Variants in CFAP251 observed in about 807,000 individuals in gnomAD.
The protein encoded by CFAP251 is cilia and flagella associated protein 251.
A neutral mutation model predicts 126.7 loss-of-function variants in CFAP251; 93 were observed. The observed-to-expected ratio is 0.73, with a 90% CI of 0.62 to 0.87. The LOEUF is 0.87. Ranked by LOEUF, CFAP251 falls within the 40% of genes least tolerant of loss-of-function variation. The probability of loss-of-function intolerance (pLI) is 0.00; values close to 1 mark genes in which losing one functional copy is unlikely to be tolerated. For synonymous variants in CFAP251, 503 were observed against 506.9 expected (o/e 0.99, Z 0.10); for missense variants, 1,287 against 1,389.2 (o/e 0.93, Z 1.17).
At chr12:121,952,459 C>T (rs1000106760) in intron 9 of CFAP251, among the ~76,000 whole-genome samples, 7 of 151,522 alleles carry the variant, frequency 4.6e-5, no homozygotes, top group African/African-American at 1.5e-4. Context: ...TAAGTAAAGT[C>T]GTTGAACATG....
At chr12:121,987,574 GC>G (rs1882780077) in intron 19 of CFAP251, among the ~76,000 whole-genome samples, 1 of 152,054 alleles carries the variant, frequency 6.6e-6, no homozygotes, top group Non-Finnish European at 1.5e-5. Context: ...AATTAGCCAG[GC>G]ATGGTGGCGC....
At position 121,999,760 on chromosome 12, in the gene CFAP251, C is replaced by T. The variant is rs923869078; in HGVS notation, c.3051C>T (p.Asp1017=). 13 of 1,612,988 alleles carry T rather than the reference C, an allele frequency of 8.1e-6. No individual in the cohort carries two copies. Among genetic ancestry groups the T allele is most frequent in the Non-Finnish European group, 1.0e-5 (12 of 1,179,202 alleles). The stretch of plus-strand genomic sequence containing the variant: ...AAATCAAATTTGGTGAATATGTGGA[C>T]ACTGGAAAGCTAATCGACAAGATCA... The part of the protein sequence containing the change: ...FNEIKFGEYV[D]TGKLIDKINL... Residue 1017 remains aspartate, a synonymous_variant, in exon 20 of 22, where the codon GAC becomes GAT. Coordinates refer to ENST00000288912, the MANE Select transcript of CFAP251 (RefSeq NM_144668.6).
intron 20 of CFAP251, among the ~76,000 whole-genome samples, chr12:122,000,566 GA>G (rs1389467825): frequency 6.7e-6 from 1 of 148,916 alleles, no homozygotes; most frequent in African/African-American, 2.5e-5. Context: ...AAAAAAGAAA[GA>G]AAAAAAGAAA....
rs528544588 is a variant in CFAP251, at chr12:121,931,405, C to G, written c.748-341C>G. Reference sequence around the variant, plus strand: ...TCGGCTCACTGCAACCTCCGCCTCCCGGGTTCAAGTGATTCTCCTGCCTCA... The same window carrying G: ...TCGGCTCACTGCAACCTCCGCCTCCGGGGTTCAAGTGATTCTCCTGCCTCA... On this transcript the variant is annotated intron_variant, in intron 3 of 21. Coordinates refer to ENST00000288912, the MANE Select transcript of CFAP251 (RefSeq NM_144668.6). Among the ~76,000 whole-genome samples, 3 of 152,260 alleles carry G rather than the reference C, an allele frequency of 2.0e-5. No homozygotes were observed. In the East Asian group the frequency reaches 5.8e-4, roughly 29 times the overall value.
chr12:121,921,793 T>A, intron 2 of CFAP251, 110 bp downstream of exon 2: 1 of 608,814 alleles, frequency 1.6e-6, no homozygotes, highest in Non-Finnish European at 2.1e-6. Context: ...AATCCATTCC[T>A]TTTTTTTTTT....
intron 3 of CFAP251, among the ~76,000 whole-genome samples, chr12:121,926,991 C>T (rs1880444237): frequency 6.6e-6 from 1 of 152,062 alleles, no homozygotes; most frequent in Non-Finnish European, 1.5e-5. Context: ...GTAAAAAATT[C>T]AGACAACTTA....
At chr12:121,929,238 T>C (rs913865829) in intron 3 of CFAP251, among the ~76,000 whole-genome samples, 7 of 151,492 alleles carry the variant, frequency 4.6e-5, no homozygotes, top group Middle Eastern at 3.4e-3. Flanking sequence ...GGAGACTCTC[T>C]TGAACCCAGG....
intron 17 of CFAP251, among the ~76,000 whole-genome samples, chr12:121,970,506 C>A (rs1264396901): frequency 6.6e-6 from 1 of 152,230 alleles, no homozygotes; most frequent in Non-Finnish European, 1.5e-5. Flanking sequence ...TCCTCCTCCT[C>A]CTCATCCAGG....
At chr12:121,978,393 C>CAAAAAAAAAAAAAAAAAAAAAAAAAAA (rs10642280) in intron 19 of CFAP251, among the ~76,000 whole-genome samples, 11 of 42,108 alleles carry the variant, frequency 2.6e-4, no homozygotes, top group East Asian at 4.4e-4. Context: ...GACTCTGTCT[C>CAAAAAAAAAAAAAAAAAAAAAAAAAAA]AAAAAAAAAA....
chr12:121,956,162 A>T (rs1299440265), intron 10 of CFAP251, among the ~76,000 whole-genome samples: 6 of 152,250 alleles, frequency 3.9e-5, no homozygotes, highest in Non-Finnish European at 8.8e-5. Context: ...TTCTGCCGTG[A>T]TGACTGGACA....
chr12:121,944,115 T>G (rs1881229480), intron 7 of CFAP251, among the ~76,000 whole-genome samples: 1 of 152,202 alleles, frequency 6.6e-6, no homozygotes, highest in Non-Finnish European at 1.5e-5. Context: ...TCCCTGCTTT[T>G]GTGACTTGTC....
rs1259232933 is a variant in CFAP251 at position 121,956,505 on chromosome 12, T to C, written c.1536-569T>C. 3.9e-5 allele frequency among the ~76,000 whole-genome samples: 6 copies of C among 152,220 alleles called. No individual in the cohort carries two copies. In the East Asian group the frequency reaches 1.2e-3, roughly 29 times the overall value. The stretch of plus-strand genomic sequence containing the variant: ...AAATTTTTTGTTTGTTTGTCTGTTT[T>C]GTTTTTTGAGACGGAGTTTTGTGCT... On this transcript the variant is annotated intron_variant, in intron 10 of 21. Coordinates refer to ENST00000288912, the MANE Select transcript of CFAP251 (RefSeq NM_144668.6).
intron 1 of CFAP251, 107 bp from the exon 2 acceptor site, chr12:121,921,179 A>G: frequency 1.6e-6 from 2 of 1,253,080 alleles, no homozygotes; most frequent in Non-Finnish European, 2.2e-6. Context: ...ATTCCTATGG[A>G]AAGGGAACAG....
At position 121,967,073 on chromosome 12, in the gene CFAP251, A is replaced by G. The variant is rs745688213; in HGVS notation, c.2607+4A>G. 11 of 1,612,468 alleles carry G rather than the reference A, an allele frequency of 6.8e-6. No individual in the cohort carries two copies. The highest frequency in any genetic ancestry group is 2.2e-5 in the South Asian group (2 of 91,062). ...GGTGTTTATTAACAGAGACAAGGTA[A>G]CAGCGCTCTCTTCTCCAGTTCTGGG... On this transcript the variant is annotated splice_donor_region_variant and intron_variant, in intron 16 of 21. Transcript: ENST00000288912.
intron 3 of CFAP251, among the ~76,000 whole-genome samples, chr12:121,930,215 G>A (rs1317971331): frequency 1.3e-5 from 2 of 152,146 alleles, no homozygotes; most frequent in African/African-American, 2.4e-5. Context: ...TGAGCTGGGC[G>A]CCGTTGCCCA....
At position 121,927,188 on chromosome 12, in the gene CFAP251, G is replaced by GTT. The variant is rs36117069; in HGVS notation, c.747+3212_747+3213dup. Among the ~76,000 whole-genome samples, 296 of 143,728 alleles carry GTT rather than the reference G, an allele frequency of 2.1e-3. 1 individual carries two copies. The highest frequency in any genetic ancestry group is 3.7e-3 in the Admixed American group (53 of 14,322). 94.3% of individuals were successfully genotyped at this position (143,728 alleles called of 152,430 possible). A position where few individuals can be genotyped will look rare whatever the true frequency, so the allele number is the denominator to read the frequency against. The stretch of plus-strand genomic sequence containing the variant: ...CACATTTAGTTTTTGTGTTGTTTAG[G>GTT]TTTTTTTTTTTTTTTACCGGTGAGA... On this transcript the variant is annotated intron_variant, in intron 3 of 21. Coordinates refer to ENST00000288912, the MANE Select transcript of CFAP251 (RefSeq NM_144668.6).
At chr12:121,993,862 C>A in intron 19 of CFAP251, among the ~76,000 whole-genome samples, 1 of 124,938 alleles carries the variant, frequency 8.0e-6, no homozygotes, top group African/African-American at 3.1e-5. Flanking sequence ...GTCAGCCCCC[C>A]CGCCCGGCCA....
chr12:121,961,848 A>C, intron 14 of CFAP251, 130 bp from the exon 15 acceptor site: 4 of 913,798 alleles, frequency 4.4e-6, no homozygotes, highest in Non-Finnish European at 6.6e-6. Flanking sequence ...AGGAGACCTG[A>C]TACCGTCTCC....
chr12:121,993,400 A>G (rs1359004965), intron 19 of CFAP251, among the ~76,000 whole-genome samples: 1 of 133,268 alleles, frequency 7.5e-6, no homozygotes, highest in Non-Finnish European at 1.6e-5. Context: ...CCGTCTGGGA[A>G]GTGAGGAGTG....
Sources: allele counts gnomAD v4.1 joint callset (sites outside exome capture counted in the v4.1 genomes callset), GRCh38; gene constraint gnomAD v4.1.1; transcripts MANE v1.5; gene names NCBI Gene and HGNC (gene_info 2026-07-23, HGNC 2026-07-21).